Variants in SWAP70 observed in about 807,000 individuals in gnomAD.
SWAP70 encodes the protein switching B cell complex subunit SWAP70.
SWAP70 carries 34 observed loss-of-function variants against 80.2 expected under a neutral mutation model. The observed-to-expected ratio is 0.42, with a 90% CI of 0.32 to 0.56. SWAP70 has a LOEUF of 0.56. Among genes scored for constraint, SWAP70 ranks in the 20% least tolerant of loss-of-function variants. The pLI, the probability that SWAP70 is intolerant of heterozygous loss-of-function variation, is 0.09. For missense variants in SWAP70, 578 were observed against 690.7 expected, an observed-to-expected ratio of 0.84 and a Z score of 1.83; for synonymous variants, 239 against 238.5, an observed-to-expected ratio of 1.00 and a Z score of -0.02.
rs1319232668 is a variant in SWAP70 at position 9,720,545 on chromosome 11, A to G, written c.415-4113A>G. 6 of 943,738 alleles carry G rather than the reference A, an allele frequency of 6.4e-6. No individual in the cohort carries two copies. In the East Asian group the frequency reaches 5.8e-4, roughly 91 times the overall value. The allele number at this position is 943,738 out of a possible 1,614,324, so 58.5% of individuals were successfully genotyped here. ...TGCCAGGACATGGTCATTCGGCTCTACCATCTTGTCTCACCCACGTGTAGT... is the reference window on the plus strand; with the variant it reads ...TGCCAGGACATGGTCATTCGGCTCTGCCATCTTGTCTCACCCACGTGTAGT... On this transcript the variant is annotated intron_variant, in intron 3 of 11. Coordinates refer to ENST00000318950, the MANE Select transcript of SWAP70 (RefSeq NM_015055.4).
At chr11:9,697,784 G>A (rs1347465763) in intron 2 of SWAP70, among the ~76,000 whole-genome samples, 1 of 152,090 alleles carries the variant, frequency 6.6e-6, no homozygotes, top group Non-Finnish European at 1.5e-5. Flanking sequence ...TGTTATACAT[G>A]TTTTTTGGTT....
At chr11:9,730,262 G>A (rs1032458358) in intron 6 of SWAP70, among the ~76,000 whole-genome samples, 5 of 151,622 alleles carry the variant, frequency 3.3e-5, no homozygotes, top group Admixed American at 6.6e-5. Flanking sequence ...AGGCAGAGGC[G>A]GGTGGATCAT....
chr11:9,685,442 A>G (rs1850618911), intron 1 of SWAP70, among the ~76,000 whole-genome samples: 1 of 152,150 alleles, frequency 6.6e-6, no homozygotes. Context: ...CAAGATCAAG[A>G]TGCTAGCAGA....
intron 9 of SWAP70, 58 bp downstream of exon 9, chr11:9,740,405 T>C: frequency 6.5e-7 from 1 of 1,543,270 alleles, no homozygotes; most frequent in Non-Finnish European, 9.0e-7. Context: ...TAATACAGTT[T>C]CTTGGAATGA....
At chr11:9,740,417 T>C (rs1323689593) in intron 9 of SWAP70, 70 bp downstream of exon 9, 1 of 1,466,864 alleles carries the variant, frequency 6.8e-7, no homozygotes, top group African/African-American at 1.4e-5. Flanking sequence ...TTGGAATGAC[T>C]AACACTCTGG....
chr11:9,699,537 G>A (rs931157793), intron 2 of SWAP70, among the ~76,000 whole-genome samples: 5 of 151,884 alleles, frequency 3.3e-5, no homozygotes, highest in African/African-American at 9.7e-5. Flanking sequence ...ATACTTGATG[G>A]CCTGCTGTGT....
intron 7 of SWAP70, among the ~76,000 whole-genome samples, chr11:9,734,112 G>T (rs1851334427): frequency 6.6e-6 from 1 of 152,146 alleles, no homozygotes; most frequent in Admixed American, 6.5e-5. Context: ...AATTGGAAAT[G>T]CTTCAATGAG....
chr11:9,702,099 C>T (rs949012703), intron 2 of SWAP70, among the ~76,000 whole-genome samples: 1 of 152,126 alleles, frequency 6.6e-6, no homozygotes, highest in Non-Finnish European at 1.5e-5. Flanking sequence ...TCCTCCAGAG[C>T]CTAGCAGCCT....
At position 9,752,899 on chromosome 11, in the gene SWAP70, ATTTT is replaced by A. The variant is rs925949624; in HGVS notation, c.*2935_*2938del. The stretch of plus-strand genomic sequence containing the variant: ...CTAAGATACATTAAAAATGTTTTAT[ATTTT>A]TTTTTAAGTAAAATGGACCCAGTAA... On this transcript the variant is annotated 3_prime_UTR_variant, in exon 12 of 12. Coordinates refer to ENST00000318950, the MANE Select transcript of SWAP70 (RefSeq NM_015055.4). The A allele has an allele frequency of 6.6e-6, 1 of 151,660 alleles. No individual in the cohort carries two copies. Among genetic ancestry groups the A allele is most frequent in the African/African-American group, 2.4e-5 (1 of 41,294 alleles). 9.4% of individuals were successfully genotyped at this position (151,660 alleles called of 1,614,324 possible).
intron 3 of SWAP70, among the ~76,000 whole-genome samples, chr11:9,721,100 G>C (rs929930611): frequency 2.0e-5 from 3 of 152,214 alleles, no homozygotes; most frequent in African/African-American, 7.2e-5. Flanking sequence ...ACAGGCGTGA[G>C]CCACCACGCC....
At chr11:9,671,753 T>TATATTTCTATGTATACATAGAA (rs1407135800) in intron 1 of SWAP70, among the ~76,000 whole-genome samples, 7 of 3,260 alleles carry the variant, frequency 2.1e-3, no homozygotes, top group African/African-American at 0.011. Flanking sequence ...GAAATATAAA[T>TATATTTCTATGTATACATAGAA]ATATAAATAT....
intron 2 of SWAP70, chr11:9,703,459 C>G (rs1181166246): frequency 2.2e-6 from 1 of 456,296 alleles, no homozygotes; most frequent in Non-Finnish European, 4.4e-6. Flanking sequence ...GTAAGGCCAA[C>G]TCCGCCCATC....
chr11:9,696,897 A>G (rs1850765266), intron 2 of SWAP70, among the ~76,000 whole-genome samples: 2 of 152,138 alleles, frequency 1.3e-5, no homozygotes, highest in Non-Finnish European at 2.9e-5. Flanking sequence ...AATGATAATG[A>G]TAATACTTTC....
intron 6 of SWAP70, among the ~76,000 whole-genome samples, chr11:9,731,610 A>G (rs1046571959): frequency 3.3e-5 from 5 of 152,210 alleles, no homozygotes; most frequent in African/African-American, 1.2e-4. Flanking sequence ...GCCATGCAGT[A>G]CTTTATGTAT....
intron 1 of SWAP70, among the ~76,000 whole-genome samples, chr11:9,664,933 G>C (rs530960109): frequency 6.6e-6 from 1 of 152,310 alleles, no homozygotes; most frequent in African/African-American, 2.4e-5. Flanking sequence ...AGTTCCGGGT[G>C]AGGAGCGCTG....
At position 9,713,593 on chromosome 11, in the gene SWAP70, A is replaced by G. The variant is rs771173128; in HGVS notation, c.368A>G (p.Asn123Ser). 1.9e-6 allele frequency: 3 copies of G among 1,613,936 alleles called. No individual in the cohort carries two copies. The highest frequency in any genetic ancestry group is 1.1e-5 in the South Asian group (1 of 91,084). ...GCATTTAAAATATGGGTTATTTTCA[A>G]CTTTTTATCTGAGGACAAGTATCCA... Reference protein sequence around the residue: ...EDAFKIWVIFNFLSEDKYPLI... With the variant: ...EDAFKIWVIFSFLSEDKYPLI... The change falls in exon 3 of 12, where the codon AAC becomes AGC. Residue 123 changes from asparagine (N) to serine (S), a missense_variant. Asn to Ser is a conservative substitution (Grantham distance 46, BLOSUM62 1). Coordinates refer to ENST00000318950, the MANE Select transcript of SWAP70 (RefSeq NM_015055.4).
intron 6 of SWAP70, among the ~76,000 whole-genome samples, chr11:9,730,665 G>C (rs1001019627): frequency 6.6e-6 from 1 of 152,156 alleles, no homozygotes; most frequent in African/African-American, 2.4e-5. Flanking sequence ...GAGGAATTAT[G>C]CAATAGTTTT....
At chr11:9,731,945 A>G (rs1037049072) in intron 6 of SWAP70, among the ~76,000 whole-genome samples, 2 of 152,238 alleles carry the variant, frequency 1.3e-5, no homozygotes, top group Non-Finnish European at 2.9e-5. Flanking sequence ...GAAAAATCAG[A>G]TGTTGTATAA....
intron 4 of SWAP70, among the ~76,000 whole-genome samples, chr11:9,727,262 C>A (rs188418477): frequency 6.6e-6 from 1 of 152,204 alleles, no homozygotes; most frequent in East Asian, 1.9e-4. Context: ...GTGGCATGCG[C>A]TTGTAGTCCC....
Sources: gnomAD v4.1 joint callset for allele counts (sites outside exome capture counted in the v4.1 genomes callset) on GRCh38, gnomAD v4.1.1 for gene constraint, MANE v1.5 for transcripts, NCBI Gene and HGNC (gene_info 2026-07-23, HGNC 2026-07-21) for gene names.